ABCC4: variants seen among roughly 807,000 people sequenced by gnomAD.
The protein encoded by ABCC4 is ATP binding cassette subfamily C member 4 (PEL blood group), also known as ATP-binding cassette sub-family C member 4.
In ABCC4, 102 loss-of-function variants were observed where a neutral mutation model predicts 168.5. The observed-to-expected ratio is 0.61, with a 90% CI of 0.52 to 0.71. The LOEUF is 0.71. Among genes scored for constraint, ABCC4 ranks in the 30% least tolerant of loss-of-function variants. ABCC4 has a pLI of 0.00. For missense variants in ABCC4, 1,402 were observed against 1,605.8 expected (o/e 0.87, Z 2.17); for synonymous variants, 617 against 590.7 (o/e 1.04, Z -0.65).
At chr13:95,126,267 C>T (rs1315960449) in intron 19 of ABCC4, among the ~76,000 whole-genome samples, 1 of 152,052 alleles carries the variant, frequency 6.6e-6, no homozygotes, top group African/African-American at 2.4e-5. Flanking sequence ...AAAACAAGGG[C>T]CTAGACATAC....
At chr13:95,073,819 T>C (rs1189465) in intron 23 of ABCC4, among the ~76,000 whole-genome samples, 57,354 of 151,962 alleles carry the variant, frequency 0.38, 12,237 homozygotes, top group South Asian at 0.63. Context: ...AAGATAATAC[T>C]CTCCTGCTGA....
At chr13:95,200,089 A>T (rs2038580826) in intron 8 of ABCC4, among the ~76,000 whole-genome samples, 1 of 152,110 alleles carries the variant, frequency 6.6e-6, no homozygotes, top group Non-Finnish European at 1.5e-5. Context: ...CCCCCACTTG[A>T]TGATTCCCAG....
At chr13:95,117,103 A>C (rs144975322) in intron 19 of ABCC4, among the ~76,000 whole-genome samples, 16 of 152,196 alleles carry the variant, frequency 1.1e-4, no homozygotes, top group Non-Finnish European at 1.8e-4. Context: ...TTGGAGCTGC[A>C]CCTCAATTTT....
intron 8 of ABCC4, among the ~76,000 whole-genome samples, chr13:95,199,051 A>G (rs2038543369): frequency 6.6e-6 from 1 of 152,168 alleles, no homozygotes; most frequent in African/African-American, 2.4e-5. Context: ...GGTGCAGCAA[A>G]CCACCATGGC....
At chr13:95,070,668 T>G (rs1040937183) in intron 25 of ABCC4, among the ~76,000 whole-genome samples, 1 of 152,086 alleles carries the variant, frequency 6.6e-6, no homozygotes, top group Non-Finnish European at 1.5e-5. Context: ...TGAGCACTGA[T>G]GGGGTCATGG....
Position 95,301,372 on chromosome 13 carries a change from G to T in ABCC4, c.-58C>A. On this transcript the variant is annotated 5_prime_UTR_variant, in exon 1 of 31. Coordinates refer to ENST00000645237, the MANE Select transcript of ABCC4 (RefSeq NM_005845.5). ...GCGCTGATCAGGCGGCGGTGGCCGC[G>T]GGCTCCGCTCCTGGACCTCAAGCAG... The T allele has an allele frequency of 6.8e-7, 1 of 1,472,962 alleles. No individual in the cohort carries two copies. The highest frequency in any genetic ancestry group is 9.2e-7 in the Non-Finnish European group (1 of 1,092,220). The allele number at this position is 1,472,962 out of a possible 1,614,324, so 91.2% of individuals were successfully genotyped here. A position where few individuals can be genotyped will look rare whatever the true frequency, so the allele number is the denominator to read the frequency against.
At chr13:95,199,422 C>T (rs2038559681) in intron 8 of ABCC4, among the ~76,000 whole-genome samples, 2 of 152,196 alleles carry the variant, frequency 1.3e-5, no homozygotes, top group Non-Finnish European at 2.9e-5. Flanking sequence ...AGGCAGACCC[C>T]ATCAGTGGGT....
intron 19 of ABCC4, among the ~76,000 whole-genome samples, chr13:95,126,954 A>G (rs2035803637): frequency 6.6e-6 from 1 of 151,330 alleles, no homozygotes; most frequent in East Asian, 1.9e-4. Context: ...TTCTTTAAAA[A>G]TTCAGATAAA....
intron 7 of ABCC4, 126 bp from the exon 8 acceptor site, chr13:95,206,907 T>A: frequency 2.9e-6 from 3 of 1,035,052 alleles, no homozygotes; most frequent in Non-Finnish European, 4.3e-6. Flanking sequence ...TTTGAGACCA[T>A]CCTGGGCAAC....
intron 1 of ABCC4, among the ~76,000 whole-genome samples, chr13:95,276,612 T>C (rs563727910): frequency 5.7e-4 from 87 of 152,130 alleles, no homozygotes; most frequent in South Asian, 1.2e-3. Flanking sequence ...CGCCTCTCTT[T>C]CCCTCAAAGA....
chr13:95,131,673 C>A (rs539585760), intron 19 of ABCC4, among the ~76,000 whole-genome samples: 1 of 151,870 alleles, frequency 6.6e-6, no homozygotes, highest in Non-Finnish European at 1.5e-5. Flanking sequence ...AGATGTCAGG[C>A]GACCTGGCAC....
Position 95,166,228 on chromosome 13 carries a change from G to A in ABCC4, c.1964C>T (p.Ser655Leu). The change falls in exon 15 of 31, where the codon TCA (serine) becomes TTA (leucine). Residue 655 changes from serine to leucine, a missense_variant. Physicochemically the swap from Ser to Leu is moderately radical, Grantham distance 145 (BLOSUM62 -2). Around this residue, in one of 3 missense-constraint regions of ABCC4, gnomAD observed 1,007 missense variants for 1,127.3 expected, o/e 0.89. Transcript: ENST00000645237. The stretch of plus-strand genomic sequence containing the variant: ...TTGTTGAGACCAAACCGAAGACTCT[G>A]AGAAGGTACGATTCCTTAGTGTGGG... ...GTPTLRNRTF[S>L]ESSVWSQQSS... 1.2e-6 allele frequency: 2 copies of A among 1,614,172 alleles called. No homozygotes were observed. Among genetic ancestry groups the A allele is most frequent in the Non-Finnish European group, 1.7e-6 (2 of 1,180,026 alleles).
chr13:95,274,390 C>T (rs2040920553), intron 1 of ABCC4, among the ~76,000 whole-genome samples: 2 of 152,274 alleles, frequency 1.3e-5, no homozygotes, highest in East Asian at 1.9e-4. Context: ...AACCAACCAA[C>T]CCAGAGCTAT....
intron 20 of ABCC4, among the ~76,000 whole-genome samples, chr13:95,090,206 G>A (rs767550724): frequency 6.6e-6 from 1 of 152,074 alleles, no homozygotes; most frequent in Non-Finnish European, 1.5e-5. Flanking sequence ...GAAGACAAAG[G>A]GCATATAATC....
intron 4 of ABCC4, among the ~76,000 whole-genome samples, chr13:95,225,445 G>A (rs953668021): frequency 1.3e-5 from 2 of 152,150 alleles, no homozygotes; most frequent in South Asian, 2.1e-4. Context: ...CAAGGTGGGT[G>A]GATCACCTGA....
In ABCC4 at chr13:95,286,266, C is replaced by T. The variant is rs533676685; in HGVS notation, c.74+14975G>A. On this transcript the variant is annotated intron_variant, in intron 1 of 30. Transcript: ENST00000645237. ...TCCCCAGAAGCTGGGATTACAGGCGCCCACCACCACACTCAGCTAATTTTT... is the reference window on the plus strand; with the variant it reads ...TCCCCAGAAGCTGGGATTACAGGCGTCCACCACCACACTCAGCTAATTTTT... Among the ~76,000 whole-genome samples, 6 of 151,568 alleles carry T rather than the reference C, an allele frequency of 4.0e-5. No individual in the cohort carries two copies. In the East Asian group the frequency reaches 1.2e-3, roughly 30 times the overall value.
At chr13:95,279,992 T>C (rs2041075190) in intron 1 of ABCC4, among the ~76,000 whole-genome samples, 1 of 152,108 alleles carries the variant, frequency 6.6e-6, no homozygotes, top group African/African-American at 2.4e-5. Context: ...AGGTTTGTGC[T>C]CACCATTTCC....
chr13:95,244,221 G>C (rs1299406890), intron 3 of ABCC4, among the ~76,000 whole-genome samples: 1 of 152,088 alleles, frequency 6.6e-6, no homozygotes, highest in African/African-American at 2.4e-5. Context: ...TCTGGGCTCT[G>C]TCATTTACAC....
At chr13:95,028,474 C>G (rs1332397037) in intron 30 of ABCC4, among the ~76,000 whole-genome samples, 1 of 152,064 alleles carries the variant, frequency 6.6e-6, no homozygotes, top group African/African-American at 2.4e-5. Flanking sequence ...CAAACCGCTA[C>G]CACCAAAAAG....
Sources: gnomAD v4.1 joint callset for allele counts (sites outside exome capture counted in the v4.1 genomes callset) on GRCh38, gnomAD v4.1.1 for gene constraint, gnomAD v4.1.1 regional missense constraint, MANE v1.5 for transcripts, NCBI Gene and HGNC (gene_info 2026-07-23, HGNC 2026-07-21) for gene names.